Variants in CD58 observed in about 807,000 individuals in gnomAD.
CD58 encodes the protein CD58 molecule.
Under a neutral mutation model 27.6 loss-of-function variants are expected in CD58, and 14 were observed. The observed-to-expected ratio is 0.51, with a 90% CI of 0.34 to 0.79. CD58 has a LOEUF of 0.79. Among genes scored for constraint, CD58 ranks in the 30% least tolerant of loss-of-function variants. The probability of loss-of-function intolerance (pLI) is 0.02; values close to 1 mark genes in which losing one functional copy is unlikely to be tolerated. For missense variants in CD58, 268 were observed against 301.7 expected (o/e 0.89, Z 0.83); for synonymous variants, 117 against 103.8 (o/e 1.13, Z -0.77).
At chr1:116,553,624 G>C (rs1298058877) in intron 1 of CD58, among the ~76,000 whole-genome samples, 1 of 152,162 alleles carries the variant, frequency 6.6e-6, no homozygotes, top group Non-Finnish European at 1.5e-5. Context: ...GGAACATCAT[G>C]CTTTCAGTTT....
chr1:116,544,173 C>T (rs765246723), intron 2 of CD58, 138 bp downstream of exon 2: 10 of 624,410 alleles, frequency 1.6e-5, no homozygotes, highest in Non-Finnish European at 2.8e-5. Flanking sequence ...CTCCTCTATA[C>T]CAGAAAAGGA....
chr1:116,562,991 C>T (rs771725761), intron 1 of CD58, among the ~76,000 whole-genome samples: 10 of 152,168 alleles, frequency 6.6e-5, no homozygotes, highest in Non-Finnish European at 8.8e-5. Context: ...AAAGTCTCAT[C>T]GGAGATAAGG....
intron 1 of CD58, among the ~76,000 whole-genome samples, chr1:116,569,682 T>A (rs965556677): frequency 7.0e-6 from 1 of 143,590 alleles, no homozygotes; most frequent in East Asian, 2.3e-4. Flanking sequence ...GCTCACTGCA[T>A]CCTCTGCCTC....
rs1372603089 is a variant in CD58 at position 116,527,470 on chromosome 1, G to T, written c.629-5487C>A. Among the ~76,000 whole-genome samples, 3 of 152,146 alleles carry T rather than the reference G, an allele frequency of 2.0e-5. No individual in the cohort carries two copies. Among genetic ancestry groups the T allele is most frequent in the Admixed American group, 6.6e-5 (1 of 15,266 alleles). On this transcript the variant is annotated intron_variant, in intron 3 of 5. Transcript: ENST00000369489. This position sits in a 1 kb window ranked among gnomAD's most constrained non-coding sequence, Gnocchi z 4.4. ...TTCTTTCATAGTCTGTCAATGTGAT[G>T]GATTACATTAATTGATTTTCATATG...
At position 116,528,517 on chromosome 1, in the gene CD58, C is replaced by T. The variant is rs1657495470; in HGVS notation, c.629-6534G>A. 6.6e-6 allele frequency among the ~76,000 whole-genome samples: 1 copy of T among 152,116 alleles called. No individual in the cohort carries two copies. Among genetic ancestry groups the T allele is most frequent in the African/African-American group, 2.4e-5 (1 of 41,418 alleles). On this transcript the variant is annotated intron_variant, in intron 3 of 5. Transcript: ENST00000369489. This position sits in a 1 kb window ranked among gnomAD's most constrained non-coding sequence, Gnocchi z 4.4. ...TTCAGGTCGGAACTGAACAATGTTT[C>T]TTTTATGTTCTTGGTCCATAAATGT...
chr1:116,558,153 C>CAA (rs34264439), intron 1 of CD58, among the ~76,000 whole-genome samples: 149 of 95,168 alleles, frequency 1.6e-3, no homozygotes, highest in African/African-American at 3.2e-3. Context: ...TTCATTTGAC[C>CAA]AAAAAAAAAA....
At chr1:116,545,142 C>T (rs559916711) in intron 1 of CD58, among the ~76,000 whole-genome samples, 2 of 152,254 alleles carry the variant, frequency 1.3e-5, no homozygotes, top group East Asian at 1.9e-4. Flanking sequence ...AGGATACACA[C>T]GTGATTCCTA....
At chr1:116,567,771 T>A (rs1382622108) in intron 1 of CD58, among the ~76,000 whole-genome samples, 2 of 152,286 alleles carry the variant, frequency 1.3e-5, no homozygotes, top group East Asian at 3.9e-4. Context: ...AACACATCAT[T>A]TATTACTTAC....
chr1:116,540,095 A>AT (rs1385610744), intron 2 of CD58, among the ~76,000 whole-genome samples: 1 of 152,230 alleles, frequency 6.6e-6, no homozygotes, highest in African/African-American at 2.4e-5. Context: ...ATGAAGGTCC[A>AT]TAAAAAGATG....
At chr1:116,554,852 C>A (rs1279812754) in intron 1 of CD58, among the ~76,000 whole-genome samples, 1 of 152,174 alleles carries the variant, frequency 6.6e-6, no homozygotes, top group Non-Finnish European at 1.5e-5. Context: ...AAACTAATAT[C>A]TACCTCTACT....
At position 116,515,616 on chromosome 1, in the gene CD58, C is replaced by T. The variant is rs866588726; in HGVS notation, c.744-794G>A. On this transcript the variant is annotated intron_variant, in intron 5 of 5. Coordinates refer to ENST00000369489, the MANE Select transcript of CD58 (RefSeq NM_001779.3). The surrounding 1 kb of genome is among the most constrained non-coding windows in gnomAD (Gnocchi z 4.6). Reference sequence around the variant, plus strand: ...TGTTGGGGCAGCTTTTTGCCGGTCTCTGCTTCCCTGCCCTCTCCCAGCAGT... The same window carrying T: ...TGTTGGGGCAGCTTTTTGCCGGTCTTTGCTTCCCTGCCCTCTCCCAGCAGT... 6.6e-6 allele frequency among the ~76,000 whole-genome samples: 1 copy of T among 152,286 alleles called. No homozygotes were observed. The highest frequency in any genetic ancestry group is 1.9e-4 in the East Asian group (1 of 5,184).
chr1:116,561,180 C>A (rs1477495598), intron 1 of CD58, among the ~76,000 whole-genome samples: 2 of 152,148 alleles, frequency 1.3e-5, no homozygotes, highest in Non-Finnish European at 2.9e-5. Context: ...ATAAATTATT[C>A]AAATCTGGTT....
Position 116,550,404 on chromosome 1 carries a change from G to A in CD58, c.71-5800C>T, listed in dbSNP as rs115506986. Among the ~76,000 whole-genome samples, 701 of 152,256 alleles carry A rather than the reference G, an allele frequency of 4.6e-3. 2 individuals are homozygous for A. Among genetic ancestry groups the A allele is most frequent in the African/African-American group, 0.016 (644 of 41,534 alleles). On this transcript the variant is annotated intron_variant, in intron 1 of 5. Transcript: ENST00000369489. This position sits in a 1 kb window ranked among gnomAD's most constrained non-coding sequence, Gnocchi z 4.2. ...TCACAGCATCTTCACCAGGAGTATA[G>A]ATGCCATCTGAAGAAACCACTTTCT...
chr1:116,557,015 G>A lies in CD58; in HGVS notation c.71-12411C>T. On this transcript the variant is annotated intron_variant, in intron 1 of 5. Coordinates refer to ENST00000369489, the MANE Select transcript of CD58 (RefSeq NM_001779.3). The surrounding 1 kb of genome is among the most constrained non-coding windows in gnomAD (Gnocchi z 5.2). ...AACTAATTCAAATCTGAGCTTAGGG[G>A]TAACCCCAGCCAGGCTAGCCCTATC... Among the ~76,000 whole-genome samples the A allele has an allele frequency of 6.6e-6, 1 of 152,364 alleles. No homozygotes were observed. The highest frequency in any genetic ancestry group is 1.9e-4 in the East Asian group (1 of 5,190).
In CD58 at chr1:116,536,408, A is replaced by G. The variant is rs1308098105; in HGVS notation, c.365-180T>C. ...AGGTCAGATCTACCTGTTCAAATTT[A>G]ACAGAATAAATTCAGACCCTGATAT... On this transcript the variant is annotated intron_variant, in intron 2 of 5. Coordinates refer to ENST00000369489, the MANE Select transcript of CD58 (RefSeq NM_001779.3). The surrounding 1 kb of genome is among the most constrained non-coding windows in gnomAD (Gnocchi z 5.4). 6.6e-6 allele frequency among the ~76,000 whole-genome samples: 1 copy of G among 152,182 alleles called. No individual in the cohort carries two copies. The highest frequency in any genetic ancestry group is 6.5e-5 in the Admixed American group (1 of 15,276).
In CD58 at chr1:116,515,846, G is replaced by T. The variant is rs1657063020; in HGVS notation, c.744-1024C>A. ...CTACGTTGAACTGCCTGGGTGAGAA[G>T]TGTGGCGTGGCCATTTCCCGTCAGA... On this transcript the variant is annotated intron_variant, in intron 5 of 5. Coordinates refer to ENST00000369489, the MANE Select transcript of CD58 (RefSeq NM_001779.3). The surrounding 1 kb of genome is among the most constrained non-coding windows in gnomAD (Gnocchi z 4.6). 6.6e-6 allele frequency among the ~76,000 whole-genome samples: 1 copy of T among 152,200 alleles called. No homozygotes were observed. The highest frequency in any genetic ancestry group is 2.1e-4 in the South Asian group (1 of 4,834).
Position 116,523,584 on chromosome 1 carries a change from A to G in CD58, c.629-1601T>C, listed in dbSNP as rs533591366. On this transcript the variant is annotated intron_variant, in intron 3 of 5. Coordinates refer to ENST00000369489, the MANE Select transcript of CD58 (RefSeq NM_001779.3). The surrounding 1 kb of genome is among the most constrained non-coding windows in gnomAD (Gnocchi z 4.4). ...CCTTCTTTAGTAGCAAAATTCAGAT[A>G]TTCCTTGGCAATAATACTCCCCAAG... Among the ~76,000 whole-genome samples, 5 of 152,268 alleles carry G rather than the reference A, an allele frequency of 3.3e-5. No homozygotes were observed. The South Asian group carries it at 8.3e-4, about 25-fold the overall frequency.
intron 4 of CD58, among the ~76,000 whole-genome samples, chr1:116,520,804 G>A (rs1657241825): frequency 6.6e-6 from 1 of 152,162 alleles, no homozygotes; most frequent in Admixed American, 6.5e-5. Context: ...ACTGTTTAGT[G>A]GAGAGTCAAC....
In CD58 at chr1:116,521,731, G is replaced by T; in HGVS notation, c.706+175C>A. 1 of 545,642 alleles carries T rather than the reference G, an allele frequency of 1.8e-6. No homozygotes were observed. The highest frequency in any genetic ancestry group is 3.4e-6 in the Non-Finnish European group (1 of 295,434). The allele number at this position is 545,642 out of a possible 1,614,324, so 33.8% of individuals were successfully genotyped here. A position where few individuals can be genotyped will look rare whatever the true frequency, so the allele number is the denominator to read the frequency against. ...GATTCATTCTACCTTGAGATAATGT[G>T]GATCTTTGGAGGAACCTAGCATGCT... On this transcript the variant is annotated intron_variant, in intron 4 of 5. Transcript: ENST00000369489. The surrounding 1 kb of genome is among the most constrained non-coding windows in gnomAD (Gnocchi z 5.6).
Sources: allele counts gnomAD v4.1 joint callset (sites outside exome capture counted in the v4.1 genomes callset), GRCh38; gene constraint gnomAD v4.1.1; non-coding constraint Gnocchi (gnomAD v3.1); transcripts MANE v1.5; gene names NCBI Gene and HGNC (gene_info 2026-07-23, HGNC 2026-07-21).